The following VPS35L variants were observed in gnomAD, a reference collection of about 807,000 sequenced individuals.
The protein encoded by VPS35L is VPS35 endosomal protein-sorting factor-like.
VPS35L carries 83 observed loss-of-function variants against 133.0 expected under a neutral mutation model. The observed-to-expected ratio is 0.62, with a 90% CI of 0.52 to 0.75. VPS35L has a LOEUF of 0.75. Ranked by LOEUF, VPS35L falls within the 30% of genes least tolerant of loss-of-function variation. The probability of loss-of-function intolerance (pLI) is 0.00; values close to 1 mark genes in which losing one functional copy is unlikely to be tolerated. For synonymous variants in VPS35L, 423 were observed against 449.9 expected (o/e 0.94, Z 0.76); for missense variants, 1,083 against 1,206.8 (o/e 0.90, Z 1.52).
At position 19,601,673 on chromosome 16, in the gene VPS35L, T is replaced by C; in HGVS notation, c.734T>C (p.Val245Ala). Reference sequence around the variant, plus strand: ...GTCCTTTTCCTCCCAGGAAAGCTCGTGTACGAGCGCATCTTTTCCATGTGT... The same window carrying C: ...GTCCTTTTCCTCCCAGGAAAGCTCGCGTACGAGCGCATCTTTTCCATGTGT... ...TDILDTFGKL[V>A]YERIFSMCVD... Residue 245 changes from valine (V) to alanine (A), a missense_variant, in exon 9 of 31, where the codon GTG (valine) becomes GCG (alanine). Val to Ala is a moderately conservative substitution (Grantham distance 64, BLOSUM62 0). Coordinates refer to ENST00000417362, the MANE Select transcript of VPS35L (RefSeq NM_020314.7). 1 of 1,614,148 alleles carries C rather than the reference T, an allele frequency of 6.2e-7. No individual in the cohort carries two copies. Among genetic ancestry groups the C allele is most frequent in the Non-Finnish European group, 8.5e-7 (1 of 1,180,012 alleles).
intron 5 of VPS35L, chr16:19,578,286 C>CTTTTT: frequency 4.8e-6 from 2 of 414,064 alleles, no homozygotes; most frequent in East Asian, 7.4e-5. Flanking sequence ...TTTCTTTTTT[C>CTTTTT]TTTTTTTTTT....
chr16:19,695,081 C>T (rs1201769247), intron 29 of VPS35L, among the ~76,000 whole-genome samples: 1 of 151,876 alleles, frequency 6.6e-6, no homozygotes, highest in African/African-American at 2.4e-5. Flanking sequence ...GCTGCGGATT[C>T]TGGGCGTAAG....
At chr16:19,588,902 G>T (rs1218473675) in intron 7 of VPS35L, among the ~76,000 whole-genome samples, 1 of 152,178 alleles carries the variant, frequency 6.6e-6, no homozygotes, top group Non-Finnish European at 1.5e-5. Flanking sequence ...AGTAGTATGT[G>T]GGCGTGTGAG....
chr16:19,681,466 G>GGGT (rs1975276675), intron 27 of VPS35L, among the ~76,000 whole-genome samples: 1 of 152,210 alleles, frequency 6.6e-6, no homozygotes, highest in African/African-American at 2.4e-5. Context: ...GACCCGCATG[G>GGGT]GGTGGGCTAG....
chr16:19,695,848 T>C (rs1199711804), intron 29 of VPS35L, among the ~76,000 whole-genome samples: 3 of 151,940 alleles, frequency 2.0e-5, no homozygotes, highest in Non-Finnish European at 4.4e-5. Flanking sequence ...AACATGGTCA[T>C]ATGGGTGGAC....
chr16:19,585,420 T>C (rs959082429), intron 7 of VPS35L, among the ~76,000 whole-genome samples: 39 of 148,930 alleles, frequency 2.6e-4, no homozygotes, highest in African/African-American at 9.0e-4. Flanking sequence ...TTTTTTTTTT[T>C]TTTTGAGACA....
chr16:19,564,931 A>C lies in VPS35L; in HGVS notation c.98A>C (p.His33Pro), dbSNP rs770385859. ...EAVPLEFGDY[H>P]PLKPITVTES... Reference sequence around the variant, plus strand: ...GTACCATTGGAGTTTGGGGACTATCACCCTCTGAAACCCATAACTGTAAGT... The same window carrying C: ...GTACCATTGGAGTTTGGGGACTATCCCCCTCTGAAACCCATAACTGTAAGT... The change falls in exon 2 of 31, where the codon CAC (histidine) becomes CCC (proline). Residue 33 changes from histidine to proline, a missense_variant. Coordinates refer to ENST00000417362, the MANE Select transcript of VPS35L (RefSeq NM_020314.7). The C allele has an allele frequency of 6.2e-6, 10 of 1,609,262 alleles. No individual in the cohort carries two copies. Among genetic ancestry groups the C allele is most frequent in the Non-Finnish European group, 7.7e-6 (9 of 1,175,788 alleles).
intron 27 of VPS35L, among the ~76,000 whole-genome samples, chr16:19,679,620 T>G (rs1211325353): frequency 6.6e-6 from 1 of 151,946 alleles, no homozygotes; most frequent in African/African-American, 2.4e-5. Flanking sequence ...TTCTCCTGCC[T>G]CAGCCTCCTG....
intron 27 of VPS35L, 142 bp from the exon 28 acceptor site, chr16:19,682,082 GT>G (rs1467581579): frequency 1.5e-5 from 13 of 865,516 alleles, no homozygotes; most frequent in Non-Finnish European, 2.4e-5. Flanking sequence ...AGGCTTGTGA[GT>G]GGGTCTTGCC....
rs74694779 is a variant in VPS35L, at chr16:19,697,126, C to T, written c.2647-2376C>T. On this transcript the variant is annotated intron_variant, in intron 29 of 30. Transcript: ENST00000417362. ...CCAGCCCGCGTGCCCTGTGCCAAAG[C>T]GCTTTTCTCTTGTAGCCCGCGGGCC... Among the ~76,000 whole-genome samples the T allele has an allele frequency of 1.6e-4, 24 of 152,324 alleles. 1 individual carries two copies. The East Asian group carries it at 3.9e-3, about 25-fold the overall frequency.
At chr16:19,685,607 A>G (rs1485174125) in intron 28 of VPS35L, among the ~76,000 whole-genome samples, 1 of 152,196 alleles carries the variant, frequency 6.6e-6, no homozygotes, top group African/African-American at 2.4e-5. Context: ...ACTGCCTCAC[A>G]GTTTCCCAAA....
intron 7 of VPS35L, among the ~76,000 whole-genome samples, chr16:19,590,260 G>C (rs1972004882): frequency 1.3e-5 from 2 of 149,838 alleles, no homozygotes; most frequent in South Asian, 4.2e-4. Flanking sequence ...TAACAATTTA[G>C]ATGTTGGGTA....
intron 1 of VPS35L, among the ~76,000 whole-genome samples, chr16:19,563,016 G>C (rs903341835): frequency 2.0e-5 from 3 of 151,996 alleles, no homozygotes; most frequent in Non-Finnish European, 4.4e-5. Flanking sequence ...CCACCCATCT[G>C]TACCTCCCAA....
At chr16:19,566,636 T>G (rs1307856645) in intron 2 of VPS35L, among the ~76,000 whole-genome samples, 2 of 152,182 alleles carry the variant, frequency 1.3e-5, no homozygotes, top group African/African-American at 4.8e-5. Flanking sequence ...AGAAGATTTA[T>G]GGACACAAAA....
At chr16:19,645,514 C>T (rs1330811464) in intron 23 of VPS35L, among the ~76,000 whole-genome samples, 1 of 152,304 alleles carries the variant, frequency 6.6e-6, no homozygotes, top group Non-Finnish European at 1.5e-5. Context: ...TGGTCTCGAT[C>T]TGCTGACCTC....
At chr16:19,573,556 C>T (rs796636618) in intron 4 of VPS35L, among the ~76,000 whole-genome samples, 5 of 152,234 alleles carry the variant, frequency 3.3e-5, no homozygotes, top group African/African-American at 1.2e-4. Flanking sequence ...CGGTGGCTCA[C>T]GCCTGTTATC....
Position 19,633,929 on chromosome 16 carries a change from C to T in VPS35L, c.1635+757C>T, listed in dbSNP as rs76940100. Among the ~76,000 whole-genome samples the T allele has an allele frequency of 6.6e-6, 1 of 151,758 alleles. No individual in the cohort carries two copies. The highest frequency in any genetic ancestry group is 2.0e-4 in the East Asian group (1 of 5,094). ...TTTTAGTAGAGTTGGGGTTTCACCG[C>T]GTTAGCCAGGGTGGTCTCGATGTCC... On this transcript the variant is annotated intron_variant, in intron 19 of 30. Transcript: ENST00000417362. The surrounding 1 kb of genome is among the most constrained non-coding windows in gnomAD (Gnocchi z 4.1).
At chr16:19,646,446 ATCACCTGCGGTCAGGTCGAGACCAGCC>A (rs1379227559) in intron 23 of VPS35L, among the ~76,000 whole-genome samples, 1 of 152,128 alleles carries the variant, frequency 6.6e-6, no homozygotes, top group Non-Finnish European at 1.5e-5. Context: ...AGGCAGGTGG[ATCACCTGCGGTCAGGTCGAGACCAGCC>A]TCACCAACAT....
Position 19,699,345 on chromosome 16 carries a change from T to C in VPS35L, c.2647-157T>C. 1.2e-6 allele frequency: 1 copy of C among 854,766 alleles called. No individual in the cohort carries two copies. The highest frequency in any genetic ancestry group is 1.8e-6 in the Non-Finnish European group (1 of 563,322). 52.9% of individuals were successfully genotyped at this position (854,766 alleles called of 1,614,324 possible). The stretch of plus-strand genomic sequence containing the variant: ...ACTTACAGATGAAGCAGCTGGGACT[T>C]TGGGAGGTTCAGCAGCTTGCCCTAC... On this transcript the variant is annotated intron_variant, in intron 29 of 30. Coordinates refer to ENST00000417362, the MANE Select transcript of VPS35L (RefSeq NM_020314.7). The surrounding 1 kb of genome is among the most constrained non-coding windows in gnomAD (Gnocchi z 4.2).
Sources: gnomAD v4.1 joint callset for allele counts (sites outside exome capture counted in the v4.1 genomes callset) on GRCh38, gnomAD v4.1.1 for gene constraint, Gnocchi (gnomAD v3.1) non-coding constraint, MANE v1.5 for transcripts, NCBI Gene and HGNC (gene_info 2026-07-23, HGNC 2026-07-21) for gene names.